RAB18: variants seen among roughly 807,000 people sequenced by gnomAD.
RAB18 encodes ras-related protein Rab-18.
A neutral mutation model predicts 28.5 loss-of-function variants in RAB18; 10 were observed. That is an observed-to-expected ratio of 0.35 (90% CI 0.22 to 0.60). The LOEUF (loss-of-function observed/expected upper bound fraction) is 0.60, where lower values mean the gene tolerates loss of function less well. Ranked by LOEUF, RAB18 falls within the 20% of genes least tolerant of loss-of-function variation. RAB18 has a pLI of 0.78. For synonymous variants in RAB18, 93 were observed against 86.9 expected (o/e 1.07, Z -0.39); for missense variants, 188 against 244.2 (o/e 0.77, Z 1.53).
rs199711948 is a variant in RAB18 at position 27,511,023 on chromosome 10, G to A, written c.124+1093G>A. On this transcript the variant is annotated intron_variant, in intron 2 of 6. Transcript: ENST00000356940. ...AGATTGTAGACATGATGTCTTCAAC[G>A]TCTGCATACTTTAATGTGTATTTCT... Among the ~76,000 whole-genome samples the A allele has an allele frequency of 1.3e-4, 20 of 152,044 alleles. No homozygotes were observed. In the East Asian group the frequency reaches 2.9e-3, roughly 22 times the overall value.
Position 27,540,728 on chromosome 10 carries a change from G to A in RAB18, c.*2677G>A. 2.2e-6 allele frequency: 1 copy of A among 454,042 alleles called. No individual in the cohort carries two copies. The highest frequency in any genetic ancestry group is 1.6e-5 in the South Asian group (1 of 64,478). 28.1% of individuals were successfully genotyped at this position (454,042 alleles called of 1,614,324 possible). A position where few individuals can be genotyped will look rare whatever the true frequency, so the allele number is the denominator to read the frequency against. ...TGGAAACAGTAATTTGCTCAAAACT[G>A]AAATCTGGGGTGATGTTTTCATTTC... On this transcript the variant is annotated 3_prime_UTR_variant, in exon 7 of 7. Transcript: ENST00000356940.
At chr10:27,537,013 G>A (rs1036441928) in intron 6 of RAB18, among the ~76,000 whole-genome samples, 7 of 152,126 alleles carry the variant, frequency 4.6e-5, no homozygotes, top group East Asian at 1.9e-4. Context: ...AAAATAATTC[G>A]GCAGACTTTT....
chr10:27,533,012 AT>A (rs1834819176), intron 4 of RAB18, among the ~76,000 whole-genome samples: 1 of 152,242 alleles, frequency 6.6e-6, no homozygotes, highest in East Asian at 1.9e-4. Flanking sequence ...ATCAAACAAA[AT>A]TTAGAAACCA....
At chr10:27,528,952 TG>T in intron 3 of RAB18, among the ~76,000 whole-genome samples, 1 of 152,210 alleles carries the variant, frequency 6.6e-6, no homozygotes, top group Non-Finnish European at 1.5e-5. Context: ...GATTTTTGCC[TG>T]TTTATTGATC....
chr10:27,515,689 G>A (rs573021462), intron 2 of RAB18, among the ~76,000 whole-genome samples: 9 of 151,896 alleles, frequency 5.9e-5, no homozygotes, highest in African/African-American at 1.4e-4. Context: ...AGCTGTGATC[G>A]TACCACTGTA....
intron 4 of RAB18, among the ~76,000 whole-genome samples, chr10:27,532,998 T>A (rs1362030328): frequency 2.0e-5 from 3 of 152,246 alleles, no homozygotes; most frequent in South Asian, 4.1e-4. Context: ...ACTATTGATT[T>A]ATAATCAAAC....
At chr10:27,521,446 C>T (rs1195707856) in intron 2 of RAB18, among the ~76,000 whole-genome samples, 1 of 152,082 alleles carries the variant, frequency 6.6e-6, no homozygotes, top group African/African-American at 2.4e-5. Flanking sequence ...AATATGGAAC[C>T]AGCCCAAATG....
At chr10:27,508,014 CTCTT>C (rs1837889923) in intron 1 of RAB18, among the ~76,000 whole-genome samples, 1 of 145,804 alleles carries the variant, frequency 6.9e-6, no homozygotes, top group Admixed American at 6.9e-5. Context: ...GAGACCCTCT[CTCTT>C]AAAAAAAAAA....
At chr10:27,524,093 A>G (rs979707696) in intron 2 of RAB18, among the ~76,000 whole-genome samples, 22 of 152,130 alleles carry the variant, frequency 1.4e-4, no homozygotes, top group African/African-American at 5.3e-4. Flanking sequence ...AAAAAAATAA[A>G]AATAAAAATT....
In RAB18 at chr10:27,541,218, G is replaced by A. The variant is rs546186493; in HGVS notation, c.*3167G>A. ...ACATTGTTCTGACTCCGACCCTGCC[G>A]TGTATACTCAACTATATAGACTTCA... On this transcript the variant is annotated 3_prime_UTR_variant, in exon 7 of 7. Transcript: ENST00000356940. The A allele has an allele frequency of 6.1e-4, 277 of 453,842 alleles. 4 individuals carry two copies. Among genetic ancestry groups the A allele is most frequent in the Non-Finnish European group, 8.5e-4 (193 of 226,760 alleles). 28.1% of individuals were successfully genotyped at this position (453,842 alleles called of 1,614,324 possible). A position where few individuals can be genotyped will look rare whatever the true frequency, so the allele number is the denominator to read the frequency against.
chr10:27,536,147 G>A (rs1369285921), intron 6 of RAB18, among the ~76,000 whole-genome samples: 4 of 152,074 alleles, frequency 2.6e-5, no homozygotes, highest in Admixed American at 2.6e-4. Flanking sequence ...GAGGTAGATT[G>A]TGCTGCCAAT....
At chr10:27,537,175 C>CT (rs1392993113) in intron 6 of RAB18, among the ~76,000 whole-genome samples, 1 of 152,194 alleles carries the variant, frequency 6.6e-6, no homozygotes, top group Non-Finnish European at 1.5e-5. Context: ...CATGAGGATA[C>CT]ATATGCAGGT....
chr10:27,508,018 T>TAA (rs1013067334), intron 1 of RAB18, among the ~76,000 whole-genome samples: 10 of 135,864 alleles, frequency 7.4e-5, no homozygotes, highest in East Asian at 2.1e-4. Flanking sequence ...CCCTCTCTCT[T>TAA]AAAAAAAAAA....
In RAB18 at chr10:27,541,873, A is replaced by G. The variant is rs917106867; in HGVS notation, c.*3822A>G. The G allele has an allele frequency of 2.2e-5, 10 of 447,160 alleles. No individual in the cohort carries two copies. The highest frequency in any genetic ancestry group is 2.1e-4 in the African/African-American group (10 of 48,530). 27.7% of individuals were successfully genotyped at this position (447,160 alleles called of 1,614,324 possible). A position where few individuals can be genotyped will look rare whatever the true frequency, so the allele number is the denominator to read the frequency against. ...ACAATTGGCATGTGGTTTGGGTGGC[A>G]TTGTCACACCCTCGGCTTTCTAGAT... On this transcript the variant is annotated 3_prime_UTR_variant, in exon 7 of 7. Transcript: ENST00000356940.
chr10:27,504,543 C>G (rs2138955505), intron 1 of RAB18, 106 bp downstream of exon 1: 1 of 1,330,640 alleles, frequency 7.5e-7, no homozygotes, highest in Admixed American at 2.0e-5. Flanking sequence ...GCGGCGGGCT[C>G]GGGCCGGCTC....
chr10:27,518,285 G>A (rs936573501), intron 2 of RAB18, among the ~76,000 whole-genome samples: 9 of 152,058 alleles, frequency 5.9e-5, no homozygotes, highest in South Asian at 2.1e-4. Flanking sequence ...TATGATAAAT[G>A]CATATTTAAC....
At chr10:27,526,472 G>A (rs538851559) in intron 2 of RAB18, among the ~76,000 whole-genome samples, 19 of 152,296 alleles carry the variant, frequency 1.2e-4, no homozygotes, top group African/African-American at 4.6e-4. Context: ...AAGCTGCCAT[G>A]ACCCACAGTC....
chr10:27,523,811 G>C (rs1834617405), intron 2 of RAB18, among the ~76,000 whole-genome samples: 1 of 151,924 alleles, frequency 6.6e-6, no homozygotes, highest in Admixed American at 6.6e-5. Flanking sequence ...TGGGTGCGGT[G>C]GCTCACGCCT....
At chr10:27,507,783 A>G (rs1020603395) in intron 1 of RAB18, among the ~76,000 whole-genome samples, 6 of 151,940 alleles carry the variant, frequency 3.9e-5, no homozygotes, top group African/African-American at 1.4e-4. Context: ...TCATCCTGTA[A>G]TCCTAGCTAC....
Sources: allele counts gnomAD v4.1 joint callset (sites outside exome capture counted in the v4.1 genomes callset), GRCh38; gene constraint gnomAD v4.1.1; transcripts MANE v1.5; gene names NCBI Gene and HGNC (gene_info 2026-07-23, HGNC 2026-07-21).